Variants in TAFA1 observed in about 807,000 individuals in gnomAD.
The protein encoded by TAFA1 is chemokine-like protein TAFA-1.
A neutral mutation model predicts 18.5 loss-of-function variants in TAFA1; 4 were observed. The ratio of observed to expected loss-of-function variants is 0.22; its 90% confidence interval spans 0.11 to 0.49. The LOEUF is 0.49. Among genes scored for constraint, TAFA1 ranks in the 20% least tolerant of loss-of-function variants. TAFA1 has a pLI of 0.98. For missense variants in TAFA1, 147 were observed against 169.0 expected (o/e 0.87, Z 0.72); for synonymous variants, 56 against 55.2 (o/e 1.01, Z -0.06).
intron 2 of TAFA1, among the ~76,000 whole-genome samples, chr3:68,198,354 G>A (rs2066435640): frequency 6.6e-6 from 1 of 151,532 alleles, no homozygotes; most frequent in Non-Finnish European, 1.5e-5. Context: ...GTTTTTGTGT[G>A]GACATTAGTT....
At chr3:68,498,475 G>T (rs2072591802) in intron 3 of TAFA1, among the ~76,000 whole-genome samples, 2 of 152,084 alleles carry the variant, frequency 1.3e-5, no homozygotes, top group South Asian at 2.1e-4. Flanking sequence ...AATTACAAAA[G>T]CATATTGTTG....
chr3:68,006,974 C>T (rs1704369827), intron 2 of TAFA1, among the ~76,000 whole-genome samples: 1 of 152,202 alleles, frequency 6.6e-6, no homozygotes, highest in African/African-American at 2.4e-5. Flanking sequence ...GTCACCCCAC[C>T]TGCTTCTACA....
chr3:68,502,131 A>G (rs1207444922), intron 3 of TAFA1, among the ~76,000 whole-genome samples: 1 of 152,154 alleles, frequency 6.6e-6, no homozygotes, highest in African/African-American at 2.4e-5. Context: ...ACTTTTTATA[A>G]TACTATTTTT....
In TAFA1 at chr3:68,391,936, A is replaced by G. The variant is rs534342142; in HGVS notation, c.119-25344A>G. ...AAATGTAAAGACCATCAACACTATG[A>G]AGAAACTGCATCAACTAATGGGCAA... is the stretch of plus-strand genomic sequence containing the variant. On this transcript the variant is annotated intron_variant, in intron 2 of 4. Coordinates refer to ENST00000478136, the MANE Select transcript of TAFA1 (RefSeq NM_213609.4). Among the ~76,000 whole-genome samples the G allele has an allele frequency of 1.2e-4, 18 of 152,284 alleles. 1 individual carries two copies. In the South Asian group the frequency reaches 3.3e-3, roughly 28 times the overall value.
intron 2 of TAFA1, among the ~76,000 whole-genome samples, chr3:68,268,674 G>C (rs2067596165): frequency 6.6e-6 from 1 of 152,096 alleles, no homozygotes; most frequent in Non-Finnish European, 1.5e-5. Context: ...TTTTCTTCCA[G>C]AAACCTAAAA....
chr3:68,441,318 G>A (rs1408813701), intron 3 of TAFA1, among the ~76,000 whole-genome samples: 6 of 152,122 alleles, frequency 3.9e-5, no homozygotes, highest in African/African-American at 1.2e-4. Flanking sequence ...TGCTTGAGGT[G>A]TCAGTGGCAG....
chr3:68,498,034 T>G (rs1196355869), intron 3 of TAFA1, among the ~76,000 whole-genome samples: 1 of 152,208 alleles, frequency 6.6e-6, no homozygotes, highest in Admixed American at 6.5e-5. Flanking sequence ...ACTCTTTGCT[T>G]GATACTAAGT....
chr3:68,164,585 G>T (rs1280040712), intron 2 of TAFA1, among the ~76,000 whole-genome samples: 1 of 151,112 alleles, frequency 6.6e-6, no homozygotes. Context: ...CTTTTACCCA[G>T]CTTTTGCCTC....
chr3:68,042,570 A>AC (rs1705187786), intron 2 of TAFA1, among the ~76,000 whole-genome samples: 1 of 152,166 alleles, frequency 6.6e-6, no homozygotes, highest in South Asian at 2.1e-4. Flanking sequence ...AATCTCTTGA[A>AC]CCTGGGAGGT....
chr3:68,371,842 T>G (rs922197591), intron 2 of TAFA1, among the ~76,000 whole-genome samples: 2 of 152,166 alleles, frequency 1.3e-5, no homozygotes, highest in African/African-American at 4.8e-5. Context: ...GCACACACTG[T>G]TTTTAATTGG....
chr3:68,025,748 C>T (rs1341174916), intron 2 of TAFA1, among the ~76,000 whole-genome samples: 1 of 152,116 alleles, frequency 6.6e-6, no homozygotes, highest in Non-Finnish European at 1.5e-5. Flanking sequence ...ATACGTTCTC[C>T]CTGCTCCAAG....
intron 2 of TAFA1, among the ~76,000 whole-genome samples, chr3:68,336,389 GC>G (rs2068969711): frequency 6.6e-6 from 1 of 152,100 alleles, no homozygotes; most frequent in Admixed American, 6.5e-5. Flanking sequence ...CCTCTGATGT[GC>G]TTTTATCATG....
chr3:68,044,677 G>C (rs866527397), intron 2 of TAFA1, among the ~76,000 whole-genome samples: 1 of 152,204 alleles, frequency 6.6e-6, no homozygotes, highest in African/African-American at 2.4e-5. Context: ...GAGAGAGAAA[G>C]TGTGCTACTA....
chr3:68,529,436 TAAAA>T (rs533214097), intron 3 of TAFA1, among the ~76,000 whole-genome samples: 1,443 of 77,030 alleles, frequency 0.019, 9 homozygotes, highest in East Asian at 0.033. Flanking sequence ...CACCATTCTC[TAAAA>T]AAAAAAAAAA....
intron 2 of TAFA1, among the ~76,000 whole-genome samples, chr3:68,368,609 A>G (rs190066016): frequency 2.0e-5 from 3 of 152,252 alleles, no homozygotes; most frequent in East Asian, 3.9e-4. Flanking sequence ...TCTTTAATAG[A>G]AAAAGAAAAC....
At chr3:68,280,427 A>G (rs2067877954) in intron 2 of TAFA1, among the ~76,000 whole-genome samples, 1 of 152,140 alleles carries the variant, frequency 6.6e-6, no homozygotes, top group East Asian at 1.9e-4. Flanking sequence ...GGCAGTCTCA[A>G]CATTGTATGT....
At chr3:68,308,251 C>T (rs1387504007) in intron 2 of TAFA1, among the ~76,000 whole-genome samples, 1 of 152,140 alleles carries the variant, frequency 6.6e-6, no homozygotes, top group Non-Finnish European at 1.5e-5. Context: ...TTATCTGTTG[C>T]ATTCTGTCTT....
At chr3:68,172,889 T>C (rs1330865087) in intron 2 of TAFA1, among the ~76,000 whole-genome samples, 1 of 152,138 alleles carries the variant, frequency 6.6e-6, no homozygotes. Context: ...GAGTGACTGC[T>C]ATGCAAATTG....
At chr3:68,223,382 T>C (rs2066756062) in intron 2 of TAFA1, among the ~76,000 whole-genome samples, 1 of 152,214 alleles carries the variant, frequency 6.6e-6, no homozygotes, top group Non-Finnish European at 1.5e-5. Context: ...CACCGTGTTA[T>C]TCAATAGTAT....
Sources: allele counts gnomAD v4.1 joint callset (sites outside exome capture counted in the v4.1 genomes callset), GRCh38; gene constraint gnomAD v4.1.1; transcripts MANE v1.5; gene names NCBI Gene and HGNC (gene_info 2026-07-23, HGNC 2026-07-21).